Variants in PCSK9 observed in about 807,000 individuals in gnomAD.
The protein encoded by PCSK9 is proprotein convertase subtilisin/kexin type 9.
In PCSK9, 57 loss-of-function variants were observed where a neutral mutation model predicts 62.1. The ratio of observed to expected loss-of-function variants is 0.92; its 90% CI spans 0.74 to 1.14. The LOEUF (loss-of-function observed/expected upper bound fraction) is 1.14, where lower values mean the gene tolerates loss of function less well. Ranked by LOEUF, PCSK9 falls within the 50% of genes most tolerant of loss-of-function variation. The pLI is 0.00. For synonymous variants in PCSK9, 387 were observed against 409.4 expected, an observed-to-expected ratio of 0.95 and a Z score of 0.66; for missense variants, 870 against 959.8, an observed-to-expected ratio of 0.91 and a Z score of 1.24.
intron 3 of PCSK9, 117 bp downstream of exon 3, chr1:55,046,763 C>A (rs756831842): frequency 7.0e-5 from 81 of 1,156,642 alleles, no homozygotes; most frequent in Non-Finnish European, 9.9e-5. Context: ...GGACTCAGCA[C>A]CTCCACTGAC....
At chr1:55,050,313 C>T (rs937094588) in intron 3 of PCSK9, among the ~76,000 whole-genome samples, 2 of 152,196 alleles carry the variant, frequency 1.3e-5, no homozygotes, top group African/African-American at 4.8e-5. Flanking sequence ...TCTGCCCCTT[C>T]GACATTCCAT....
rs946954145 is a variant in PCSK9 at position 55,058,712 on chromosome 1, T to C, written c.1503+65T>C. On this transcript the variant is annotated intron_variant, in intron 9 of 11. Coordinates refer to ENST00000302118, the MANE Select transcript of PCSK9 (RefSeq NM_174936.4). ...GTGTGTGTGTGTGTGTGTGTGTGTG[T>C]GTGTGTCAGTGCTGGGCCCTCAGGG... The C allele has an allele frequency of 1.2e-3, 1,819 of 1,472,580 alleles. 35 individuals carry two copies. In the African/African-American group the frequency reaches 0.022, roughly 18 times the overall value. The allele number at this position is 1,472,580 out of a possible 1,614,324, so 91.2% of individuals were successfully genotyped here. A position where few individuals can be genotyped will look rare whatever the true frequency, so the allele number is the denominator to read the frequency against.
chr1:55,063,119 C>G (rs973935174), intron 11 of PCSK9, among the ~76,000 whole-genome samples: 2 of 152,136 alleles, frequency 1.3e-5, no homozygotes, highest in African/African-American at 2.4e-5. Context: ...TGGTAGGCAT[C>G]TGTCTATCTC....
Position 55,039,795 on chromosome 1 carries a change from T to A in PCSK9, c.-43T>A, listed in dbSNP as rs903242284. 1 of 1,566,902 alleles carries A rather than the reference T, an allele frequency of 6.4e-7. No individual in the cohort carries two copies. The highest frequency in any genetic ancestry group is 1.3e-5 in the African/African-American group (1 of 74,396). The stretch of plus-strand genomic sequence containing the variant: ...CCGCCGGCGTGGACCGCGCACGGCC[T>A]CTAGGTCTCCTCGCCAGGACAGCAA... On this transcript the variant is annotated 5_prime_UTR_variant, in exon 1 of 12. Coordinates refer to ENST00000302118, the MANE Select transcript of PCSK9 (RefSeq NM_174936.4).
intron 3 of PCSK9, chr1:55,051,391 C>A: frequency 2.9e-6 from 1 of 339,692 alleles, no homozygotes; most frequent in Non-Finnish European, 5.8e-6. Context: ...CTGCTAGCAG[C>A]AACCTGCCTG....
In PCSK9 at chr1:55,063,639, TA is replaced by T; in HGVS notation, c.*59del. On this transcript the variant is annotated 3_prime_UTR_variant, in exon 12 of 12. Transcript: ENST00000302118. ...AGGGTCAAGGGCTGGGGCTGAGCTT[TA>T]AAATGGTTCCGACTTGTCCCTCTCT... 1 of 1,558,438 alleles carries T rather than the reference TA, an allele frequency of 6.4e-7. No individual in the cohort carries two copies. Among genetic ancestry groups the T allele is most frequent in the South Asian group, 1.2e-5 (1 of 85,430 alleles).
At chr1:55,045,111 G>A (rs1644624266) in intron 2 of PCSK9, among the ~76,000 whole-genome samples, 1 of 151,838 alleles carries the variant, frequency 6.6e-6, no homozygotes, top group Non-Finnish European at 1.5e-5. Context: ...AGTTGACTAT[G>A]GGACAATGTG....
rs142118418 is a variant in PCSK9 at position 55,061,548 on chromosome 1, C to T, written c.1855C>T (p.Gln619Ter). The T allele has an allele frequency of 1.4e-5, 23 of 1,596,464 alleles. No homozygotes were observed. In the African/African-American group the frequency reaches 2.9e-4, roughly 20 times the overall value. The change falls in exon 11 of 12, where the codon CAG becomes TAG. Residue 619 changes from glutamine to a stop codon, truncating the protein, a stop_gained. Coordinates refer to ENST00000302118, the MANE Select transcript of PCSK9 (RefSeq NM_174936.4). LOFTEE classifies it low-confidence loss of function (END_TRUNC). Reference sequence around the variant, plus strand: ...CAAGGAGCATGGAATCCCGGCCCCTCAGGAGCAGGTGAAGAGGCCCGTGAG... The same window carrying T: ...CAAGGAGCATGGAATCCCGGCCCCTTAGGAGCAGGTGAAGAGGCCCGTGAG... ...KVKEHGIPAP[Q>*]EQVTVACEEG...
intron 5 of PCSK9, 106 bp downstream of exon 5, chr1:55,052,897 T>C: frequency 6.5e-7 from 1 of 1,542,096 alleles, no homozygotes; most frequent in Non-Finnish European, 8.8e-7. Flanking sequence ...AAGAATGCTG[T>C]GGCAGCCTCT....
chr1:55,051,557 C>T (rs1043621419), intron 3 of PCSK9: 3 of 267,454 alleles, frequency 1.1e-5, no homozygotes, highest in Non-Finnish European at 2.2e-5. Context: ...TATACCCTAA[C>T]CTTTGTCCTG....
intron 1 of PCSK9, among the ~76,000 whole-genome samples, chr1:55,042,613 G>A (rs6658758): frequency 0.028 from 4,283 of 152,254 alleles, 217 homozygotes; most frequent in African/African-American, 0.097. Context: ...GGGCTGCAAG[G>A]TAGGTTGAGG....
chr1:55,056,105 G>A lies in PCSK9; in HGVS notation c.912G>A (p.Leu304=). ...SRVLNAACQR[L]ARAGVVLVTA... Reference sequence around the variant, plus strand: ...TCCTCAACGCCGCCTGCCAGCGCCTGGCGAGGGCTGGGGTCGTGCTGGTCA... The same window carrying A: ...TCCTCAACGCCGCCTGCCAGCGCCTAGCGAGGGCTGGGGTCGTGCTGGTCA... Residue 304 remains leucine, a synonymous_variant, in exon 6 of 12, where the codon CTG becomes CTA. Coordinates refer to ENST00000302118, the MANE Select transcript of PCSK9 (RefSeq NM_174936.4). 6.3e-7 allele frequency: 1 copy of A among 1,588,262 alleles called. No homozygotes were observed. The highest frequency in any genetic ancestry group is 8.6e-7 in the Non-Finnish European group (1 of 1,163,400).
At chr1:55,060,322 G>T (rs1174572799) in intron 10 of PCSK9, among the ~76,000 whole-genome samples, 1 of 152,324 alleles carries the variant, frequency 6.6e-6, no homozygotes, top group African/African-American at 2.4e-5. Context: ...AGCTGTTCTG[G>T]TTGGGTGGAG....
chr1:55,063,871 A>G lies in PCSK9; in HGVS notation c.*287A>G, dbSNP rs1644781854. 1 of 507,048 alleles carries G rather than the reference A, an allele frequency of 2.0e-6. No homozygotes were observed. 31.4% of individuals were successfully genotyped at this position (507,048 alleles called of 1,614,324 possible). On this transcript the variant is annotated 3_prime_UTR_variant, in exon 12 of 12. Coordinates refer to ENST00000302118, the MANE Select transcript of PCSK9 (RefSeq NM_174936.4). ...GGTCGAGCTGTGCTCGGGTGCTGCC[A>G]GCTGCTCCCAATGTGCCGATGTCCG... is the stretch of plus-strand genomic sequence containing the variant.
In PCSK9 at chr1:55,039,902, T is replaced by C. The variant is rs1644584917; in HGVS notation, c.65T>C (p.Leu22Pro). The part of the protein sequence containing the change: ...PLPLLLLLLL[L>P]LGPAGARAQE... ...CCACTGCTGCTGCTGCTGCTGCTGC[T>C]CCTGGGTCCCGCGGGCGCCCGTGCG... Residue 22 changes from leucine to proline, a missense_variant, in exon 1 of 12, where the codon CTC becomes CCC. Physicochemically the swap from Leu to Pro is moderately conservative, Grantham distance 98 (BLOSUM62 -3). Transcript: ENST00000302118. The C allele has an allele frequency of 6.4e-7, 1 of 1,566,544 alleles. No individual in the cohort carries two copies. Among genetic ancestry groups the C allele is most frequent in the Non-Finnish European group, 8.6e-7 (1 of 1,156,508 alleles).
In PCSK9 at chr1:55,063,987, A is replaced by T; in HGVS notation, c.*403A>T. ...AGGAGGCAGGATTCTTCCCATGGATAGGGGAGGGGGCGGTAGGGGCTGCAG... is the reference window on the plus strand; with the variant it reads ...AGGAGGCAGGATTCTTCCCATGGATTGGGGAGGGGGCGGTAGGGGCTGCAG... On this transcript the variant is annotated 3_prime_UTR_variant, in exon 12 of 12. Coordinates refer to ENST00000302118, the MANE Select transcript of PCSK9 (RefSeq NM_174936.4). 1 of 214,864 alleles carries T rather than the reference A, an allele frequency of 4.7e-6. No individual in the cohort carries two copies. The highest frequency in any genetic ancestry group is 1.1e-4 in the East Asian group (1 of 8,886). 13.3% of individuals were successfully genotyped at this position (214,864 alleles called of 1,614,324 possible).
chr1:55,056,552 C>T (rs1644716764), intron 6 of PCSK9, among the ~76,000 whole-genome samples: 1 of 152,206 alleles, frequency 6.6e-6, no homozygotes, highest in African/African-American at 2.4e-5. Context: ...GCGTCCTCTG[C>T]CCAATACTCT....
intron 5 of PCSK9, among the ~76,000 whole-genome samples, chr1:55,054,247 G>A (rs1644696359): frequency 6.6e-6 from 1 of 152,188 alleles, no homozygotes; most frequent in Admixed American, 6.5e-5. Flanking sequence ...AGCCAGGCAT[G>A]GTGGTGGGTG....
At position 55,039,890 on chromosome 1, in the gene PCSK9, T is replaced by G. The variant is rs1322134519; in HGVS notation, c.53T>G (p.Leu18Arg). 1.3e-6 allele frequency: 2 copies of G among 1,564,192 alleles called. No homozygotes were observed. The highest frequency in any genetic ancestry group is 1.7e-6 in the Non-Finnish European group (2 of 1,155,148). ...TGGTGGCCGCTGCCACTGCTGCTGCTGCTGCTGCTGCTCCTGGGTCCCGCG... is the reference window on the plus strand; with the variant it reads ...TGGTGGCCGCTGCCACTGCTGCTGCGGCTGCTGCTGCTCCTGGGTCCCGCG... ...RSWWPLPLLL[L>R]LLLLLGPAGA... The change falls in exon 1 of 12, where the codon CTG becomes CGG. Residue 18 changes from leucine to arginine, a missense_variant. Physicochemically the swap from Leu to Arg is moderately radical, Grantham distance 102 (BLOSUM62 -2). Transcript: ENST00000302118.
Sources: gnomAD v4.1 joint callset for allele counts (sites outside exome capture counted in the v4.1 genomes callset) on GRCh38, gnomAD v4.1.1 for gene constraint, MANE v1.5 for transcripts, NCBI Gene and HGNC (gene_info 2026-07-23, HGNC 2026-07-21) for gene names.